Variants in PDE10A observed in about 807,000 individuals in gnomAD.
The protein encoded by PDE10A is phosphodiesterase 10A.
Under a neutral mutation model 97.7 loss-of-function variants are expected in PDE10A, and 39 were observed. The ratio of observed to expected loss-of-function variants is 0.40; its 90% CI spans 0.31 to 0.52. The LOEUF (loss-of-function observed/expected upper bound fraction) is 0.52, where lower values mean the gene tolerates loss of function less well. Among genes scored for constraint, PDE10A ranks in the 20% least tolerant of loss-of-function variants. The pLI, the probability that PDE10A is intolerant of heterozygous loss-of-function variation, is 0.56. For missense variants in PDE10A, 731 were observed against 1,047.8 expected, an observed-to-expected ratio of 0.70 and a Z score of 4.17; for synonymous variants, 371 against 376.8, an observed-to-expected ratio of 0.98 and a Z score of 0.18.
intron 1 of PDE10A, among the ~76,000 whole-genome samples, chr6:165,703,867 C>T (rs1228941180): frequency 6.6e-6 from 1 of 152,186 alleles, no homozygotes; most frequent in Admixed American, 6.5e-5. Flanking sequence ...TTGCGAGTCT[C>T]CACTGGGGGC....
At chr6:165,476,178 C>T (rs1031768007) in intron 3 of PDE10A, among the ~76,000 whole-genome samples, 1 of 148,464 alleles carries the variant, frequency 6.7e-6, no homozygotes. Flanking sequence ...AAAAAAAAAA[C>T]CAAAAATATC....
chr6:165,486,143 T>C (rs112656577), intron 2 of PDE10A, among the ~76,000 whole-genome samples: 6 of 152,306 alleles, frequency 3.9e-5, no homozygotes, highest in Admixed American at 1.3e-4. Context: ...ACAATCCAGG[T>C]TGACGAGTCT....
intron 1 of PDE10A, among the ~76,000 whole-genome samples, chr6:165,657,475 G>T (rs569482403): frequency 6.6e-6 from 1 of 152,130 alleles, no homozygotes; most frequent in Non-Finnish European, 1.5e-5. Context: ...CAGCTATTTC[G>T]AAACAAACAA....
intron 6 of PDE10A, 80 bp from the exon 7 acceptor site, chr6:165,433,209 C>T (rs2128238884): frequency 9.4e-7 from 1 of 1,063,738 alleles, no homozygotes; most frequent in East Asian, 2.5e-5. Flanking sequence ...TCAGAAATTG[C>T]CATGATACTT....
At chr6:165,361,949 C>G (rs1472595547) in intron 18 of PDE10A, among the ~76,000 whole-genome samples, 1 of 151,790 alleles carries the variant, frequency 6.6e-6, no homozygotes, top group Non-Finnish European at 1.5e-5. Flanking sequence ...ACAAATGTAT[C>G]AAAGTTAAGA....
chr6:165,759,311 A>G (rs1793197559), intron 1 of PDE10A, among the ~76,000 whole-genome samples: 1 of 152,188 alleles, frequency 6.6e-6, no homozygotes, highest in Non-Finnish European at 1.5e-5. Context: ...GCTTAGTGAC[A>G]CAGGGAAAGT....
intron 2 of PDE10A, among the ~76,000 whole-genome samples, chr6:165,518,672 T>A (rs1338817440): frequency 6.6e-6 from 1 of 152,300 alleles, no homozygotes; most frequent in Middle Eastern, 3.4e-3. Flanking sequence ...AGTTCTCAAC[T>A]TGATAAGGAA....
At chr6:165,482,536 A>G (rs1779667473) in intron 2 of PDE10A, among the ~76,000 whole-genome samples, 193 bp from the exon 3 acceptor site, 1 of 152,234 alleles carries the variant, frequency 6.6e-6, no homozygotes, top group South Asian at 2.1e-4. Context: ...GTATACATTA[A>G]TTTCACAGGG....
intron 1 of PDE10A, among the ~76,000 whole-genome samples, chr6:165,757,927 T>C (rs1793155549): frequency 6.6e-6 from 1 of 152,220 alleles, no homozygotes. Flanking sequence ...GATTTCTAAT[T>C]TTTTAAAGTA....
chr6:165,720,584 G>C (rs940174448), intron 1 of PDE10A, among the ~76,000 whole-genome samples: 6 of 152,204 alleles, frequency 3.9e-5, no homozygotes, highest in African/African-American at 1.4e-4. Flanking sequence ...CCTTGAGGTA[G>C]GTATTTTTGA....
intron 1 of PDE10A, among the ~76,000 whole-genome samples, chr6:165,545,511 T>G (rs550640018): frequency 2.6e-5 from 4 of 152,190 alleles, no homozygotes; most frequent in East Asian, 3.9e-4. Context: ...CAAGTCATAT[T>G]TGCCAAATTA....
intron 1 of PDE10A, among the ~76,000 whole-genome samples, chr6:165,922,306 C>G (rs1391243355): frequency 6.6e-6 from 1 of 152,130 alleles, no homozygotes; most frequent in South Asian, 2.1e-4. Context: ...AACCACTTGG[C>G]GGCACACAGA....
chr6:165,958,681 GGAAAGAAAGAAAGA>G (rs1167458301), intron 1 of PDE10A, among the ~76,000 whole-genome samples: 2 of 120,660 alleles, frequency 1.7e-5, no homozygotes, highest in African/African-American at 3.1e-5. Flanking sequence ...AAAGAAGGAA[GGAAAGAAAGAAAGA>G]GAAAGAAAGA....
At chr6:165,459,924 G>A (rs570710039) in intron 3 of PDE10A, among the ~76,000 whole-genome samples, 1 of 152,300 alleles carries the variant, frequency 6.6e-6, no homozygotes, top group Admixed American at 6.5e-5. Context: ...AAAGAAAACT[G>A]CTGAGCCTGA....
intron 1 of PDE10A, among the ~76,000 whole-genome samples, chr6:165,924,086 A>G (rs1286395111): frequency 6.6e-6 from 1 of 152,218 alleles, no homozygotes; most frequent in Admixed American, 6.5e-5. Context: ...CTATCACATA[A>G]GGAACACCTG....
At chr6:165,872,805 A>G (rs997476337) in intron 1 of PDE10A, among the ~76,000 whole-genome samples, 4 of 152,236 alleles carry the variant, frequency 2.6e-5, no homozygotes, top group African/African-American at 9.6e-5. Flanking sequence ...CTGAGACCAC[A>G]GAACACTAAT....
intron 1 of PDE10A, among the ~76,000 whole-genome samples, chr6:165,765,215 T>C (rs892796860): frequency 1.8e-4 from 28 of 152,392 alleles, no homozygotes; most frequent in African/African-American, 6.5e-4. Flanking sequence ...GGAGCCCAGC[T>C]GGCTTCACCC....
At chr6:165,745,898 G>A (rs778263805) in intron 1 of PDE10A, among the ~76,000 whole-genome samples, 36 of 152,352 alleles carry the variant, frequency 2.4e-4, no homozygotes, top group Non-Finnish European at 4.3e-4. Context: ...GATGAGGCAG[G>A]AATACACGAT....
At chr6:165,962,587 C>T (rs1000341433) in intron 1 of PDE10A, among the ~76,000 whole-genome samples, 10 of 152,166 alleles carry the variant, frequency 6.6e-5, no homozygotes, top group Admixed American at 6.5e-4. Flanking sequence ...ACTCTGACCA[C>T]GTGCTGTGGA....
Sources: gnomAD v4.1 joint callset for allele counts (sites outside exome capture counted in the v4.1 genomes callset) on GRCh38, gnomAD v4.1.1 for gene constraint, MANE v1.5 for transcripts, NCBI Gene and HGNC (gene_info 2026-07-23, HGNC 2026-07-21) for gene names.